SRSF4: variants seen among roughly 807,000 people sequenced by gnomAD.
SRSF4 encodes serine and arginine rich splicing factor 4, also known as serine/arginine-rich splicing factor 4.
A neutral mutation model predicts 48.8 loss-of-function variants in SRSF4; 12 were observed. The ratio of observed to expected loss-of-function variants is 0.25; its 90% confidence interval spans 0.16 to 0.40. The LOEUF is 0.40. Among genes scored for constraint, SRSF4 ranks in the 10% least tolerant of loss-of-function variants. The pLI is 1.00. For missense variants in SRSF4, 466 were observed against 667.1 expected, an observed-to-expected ratio of 0.70 and a Z score of 3.32; for synonymous variants, 248 against 232.5, an observed-to-expected ratio of 1.07 and a Z score of -0.61.
chr1:29,163,046 G>A (rs1359326927), intron 1 of SRSF4, among the ~76,000 whole-genome samples: 1 of 152,160 alleles, frequency 6.6e-6, no homozygotes, highest in Non-Finnish European at 1.5e-5. Flanking sequence ...AGTGGAGGCA[G>A]GTTAATTTAA....
Position 29,160,252 on chromosome 1 carries a change from T to C in SRSF4, c.250+123A>G, listed in dbSNP as rs142843690. On this transcript the variant is annotated intron_variant, in intron 2 of 5. Coordinates refer to ENST00000373795, the MANE Select transcript of SRSF4 (RefSeq NM_005626.5). ...TGTAATTCTACATTTTTAAAAAAGA[T>C]ACATAATTTACAAAATAGCTTAAAC... 2,558 of 1,154,088 alleles carry C rather than the reference T, an allele frequency of 2.2e-3. 8 individuals carry two copies. Among genetic ancestry groups the C allele is most frequent in the Non-Finnish European group, 2.8e-3 (2,435 of 856,692 alleles). The allele number at this position is 1,154,088 out of a possible 1,614,324, so 71.5% of individuals were successfully genotyped here.
chr1:29,148,711 T>A lies in SRSF4; in HGVS notation c.1184A>T (p.Lys395Met), dbSNP rs754769298. The A allele has an allele frequency of 1.4e-5, 23 of 1,613,750 alleles. No individual in the cohort carries two copies. In the South Asian group the frequency reaches 2.5e-4, roughly 18 times the overall value. ...CTGGGAGCGGTCAGTGTCTTCCTTC[T>A]TCTTCTTCTTGCTGCTGCCCGCCTT... The part of the protein sequence containing the change: ...DSKAGSSKKK[K>M]KEDTDRSQSR... The change falls in exon 6 of 6, where the codon AAG becomes ATG. Residue 395 changes from lysine to methionine, a missense_variant. Around this residue, in one of 2 missense-constraint regions of SRSF4, gnomAD observed 402 missense variants for 437.0 expected, o/e 0.92. Coordinates refer to ENST00000373795, the MANE Select transcript of SRSF4 (RefSeq NM_005626.5).
chr1:29,160,118 A>G (rs994406072), intron 2 of SRSF4: 2 of 381,278 alleles, frequency 5.2e-6, no homozygotes, highest in East Asian at 4.9e-5. Context: ...CATTACAGAG[A>G]AAAAAACAAC....
intron 3 of SRSF4, among the ~76,000 whole-genome samples, chr1:29,158,813 C>CAG (rs746728959): frequency 2.2e-4 from 34 of 152,276 alleles, no homozygotes; most frequent in Admixed American, 5.9e-4. Flanking sequence ...GCCTAGGCAA[C>CAG]AGAGACTCTG....
At chr1:29,179,101 A>G (rs1961570) in intron 1 of SRSF4, among the ~76,000 whole-genome samples, 15,613 of 152,178 alleles carry the variant, frequency 0.1, 1,037 homozygotes, top group African/African-American at 0.19. Flanking sequence ...TTATCGCTCC[A>G]TCTTCCTTTT....
At chr1:29,176,806 T>C (rs1322130817) in intron 1 of SRSF4, among the ~76,000 whole-genome samples, 1 of 152,224 alleles carries the variant, frequency 6.6e-6, no homozygotes, top group Non-Finnish European at 1.5e-5. Context: ...ATAGCATGAC[T>C]AAACAGACCA....
chr1:29,148,336 C>T lies in SRSF4; in HGVS notation c.*74G>A. On this transcript the variant is annotated 3_prime_UTR_variant, in exon 6 of 6. Transcript: ENST00000373795. ...ATGTACAGCAGTGACATGTTCTACT[C>T]CAATCACTTGTGCTACGGCTACCAA... The T allele has an allele frequency of 2.0e-6, 3 of 1,529,622 alleles. 1 individual carries two copies. The highest frequency in any genetic ancestry group is 2.5e-5 in the South Asian group (2 of 79,328). 94.8% of individuals were successfully genotyped at this position (1,529,622 alleles called of 1,614,324 possible). A position where few individuals can be genotyped will look rare whatever the true frequency, so the allele number is the denominator to read the frequency against.
intron 3 of SRSF4, among the ~76,000 whole-genome samples, 195 bp downstream of exon 3, chr1:29,159,179 G>C (rs1268433155): frequency 2.0e-5 from 3 of 151,942 alleles, no homozygotes; most frequent in Admixed American, 2.0e-4. Flanking sequence ...TAGAATGATG[G>C]TCCCACAATG....
chr1:29,181,559 C>T (rs1396467484), intron 1 of SRSF4, 87 bp downstream of exon 1: 1 of 1,203,460 alleles, frequency 8.3e-7, no homozygotes, highest in Non-Finnish European at 1.1e-6. Context: ...TCCGCGCGGA[C>T]CAGGCGTCCC....
At chr1:29,152,992 C>T (rs892244747) in intron 4 of SRSF4, among the ~76,000 whole-genome samples, 1 of 151,744 alleles carries the variant, frequency 6.6e-6, no homozygotes, top group Non-Finnish European at 1.5e-5. Flanking sequence ...TTCATTAGGG[C>T]TCAGTTCTAC....
Position 29,179,164 on chromosome 1 carries a change from G to A in SRSF4, c.107+2482C>T, listed in dbSNP as rs150656633. 2.8e-4 allele frequency among the ~76,000 whole-genome samples: 42 copies of A among 151,966 alleles called. 1 individual carries two copies. The East Asian group carries it at 8.1e-3, about 29-fold the overall frequency. On this transcript the variant is annotated intron_variant, in intron 1 of 5. Transcript: ENST00000373795. ...CTTTGAATTCCTACTCATTGATTTC[G>A]AATTTTTAGTGTAAAATCTAATAGT... is the stretch of plus-strand genomic sequence containing the variant.
At chr1:29,149,933 G>A (rs573061049) in intron 5 of SRSF4, among the ~76,000 whole-genome samples, 170 bp downstream of exon 5, 5 of 151,932 alleles carry the variant, frequency 3.3e-5, no homozygotes, top group Non-Finnish European at 1.5e-5. Context: ...GGAGGCTGAG[G>A]TGGAAGCTTG....
intron 2 of SRSF4, chr1:29,159,880 T>A: frequency 5.5e-6 from 1 of 180,984 alleles, no homozygotes; most frequent in East Asian, 1.6e-4. Context: ...CAGTTTAATC[T>A]CATCTGTGTC....
chr1:29,161,214 C>A (rs1672589155), intron 1 of SRSF4, among the ~76,000 whole-genome samples: 1 of 152,130 alleles, frequency 6.6e-6, no homozygotes, highest in Admixed American at 6.5e-5. Context: ...ACCAAAAGAA[C>A]CCCCACCATC....
intron 1 of SRSF4, among the ~76,000 whole-genome samples, chr1:29,177,775 T>C (rs1357392920): frequency 6.6e-6 from 1 of 152,188 alleles, no homozygotes; most frequent in East Asian, 1.9e-4. Flanking sequence ...CAATGAACTC[T>C]TGCTTACACA....
At position 29,148,406 on chromosome 1, in the gene SRSF4, C is replaced by T; in HGVS notation, c.*4G>A. On this transcript the variant is annotated 3_prime_UTR_variant, in exon 6 of 6. Transcript: ENST00000373795. ...CGGGTAGTTCCAGCTGTGGCCATAG[C>T]CAGTTAGGACCTTGAGTGGGACCTA... 6.3e-7 allele frequency: 1 copy of T among 1,580,658 alleles called. No homozygotes were observed. The highest frequency in any genetic ancestry group is 8.6e-7 in the Non-Finnish European group (1 of 1,163,134).
intron 5 of SRSF4, 141 bp downstream of exon 5, chr1:29,149,962 A>T: frequency 1.5e-6 from 1 of 659,534 alleles, no homozygotes. Context: ...CAGTGAGGTG[A>T]GGCTGCAGTG....
intron 3 of SRSF4, among the ~76,000 whole-genome samples, chr1:29,156,782 G>A (rs967851451): frequency 6.6e-6 from 1 of 152,204 alleles, no homozygotes; most frequent in Non-Finnish European, 1.5e-5. Context: ...GTCTGGTGGC[G>A]ACGAAGGAAT....
chr1:29,171,854 G>A (rs1173926633), intron 1 of SRSF4: 2 of 152,134 alleles, frequency 1.3e-5, no homozygotes, highest in African/African-American at 2.4e-5. Flanking sequence ...AATGAGAAAG[G>A]AGGAGCAAAA....
Sources: gnomAD v4.1 joint callset for allele counts (sites outside exome capture counted in the v4.1 genomes callset) on GRCh38, gnomAD v4.1.1 for gene constraint, gnomAD v4.1.1 regional missense constraint, MANE v1.5 for transcripts, NCBI Gene and HGNC (gene_info 2026-07-23, HGNC 2026-07-21) for gene names.